Variants in ARAP2 observed in about 807,000 individuals in gnomAD.
The protein encoded by ARAP2 is arf-GAP with Rho-GAP domain, ANK repeat and PH domain-containing protein 2.
ARAP2 carries 148 observed loss-of-function variants against 194.5 expected under a neutral mutation model. That is an observed-to-expected ratio of 0.76 (90% confidence interval 0.67 to 0.87). The LOEUF (loss-of-function observed/expected upper bound fraction) is 0.87. Ranked by LOEUF, ARAP2 falls within the 40% of genes least tolerant of loss-of-function variation. The pLI, the probability that ARAP2 is intolerant of heterozygous loss-of-function variation, is 0.00. For missense variants in ARAP2, 2,128 were observed against 1,989.7 expected (o/e 1.07, Z -1.32); for synonymous variants, 695 against 683.5 (o/e 1.02, Z -0.26).
chr4:36,109,724 A>T (rs1270903272), intron 26 of ARAP2, among the ~76,000 whole-genome samples: 1 of 151,854 alleles, frequency 6.6e-6, no homozygotes, highest in Non-Finnish European at 1.5e-5. Context: ...ATATATTTTT[A>T]AATTATTCTT....
At chr4:36,114,073 A>G in intron 26 of ARAP2, 97 bp downstream of exon 26, 1 of 909,788 alleles carries the variant, frequency 1.1e-6, no homozygotes, top group South Asian at 1.5e-5. Context: ...AAATCATAAC[A>G]AGATGTTAAG....
At chr4:36,127,522 T>C (rs1381553754) in intron 21 of ARAP2, among the ~76,000 whole-genome samples, 1 of 152,028 alleles carries the variant, frequency 6.6e-6, no homozygotes, top group Non-Finnish European at 1.5e-5. Context: ...TTAATCTCTT[T>C]AAATATATCA....
chr4:36,159,133 G>A (rs920622023), intron 14 of ARAP2, among the ~76,000 whole-genome samples, 198 bp downstream of exon 14: 18 of 152,092 alleles, frequency 1.2e-4, no homozygotes, highest in South Asian at 2.1e-4. Context: ...ATAAGATTAC[G>A]GGAACATAAA....
chr4:36,217,406 G>A (rs1748176761), intron 2 of ARAP2, among the ~76,000 whole-genome samples: 1 of 152,150 alleles, frequency 6.6e-6, no homozygotes, highest in Non-Finnish European at 1.5e-5. Flanking sequence ...TGTGATCCCA[G>A]ATACTCGGGG....
intron 28 of ARAP2, among the ~76,000 whole-genome samples, chr4:36,090,817 A>G (rs1262043601): frequency 6.6e-6 from 1 of 152,062 alleles, no homozygotes; most frequent in African/African-American, 2.4e-5. Context: ...TTAATACCTA[A>G]GTGATGAAAT....
At chr4:36,166,545 G>A (rs1370946724) in intron 10 of ARAP2, among the ~76,000 whole-genome samples, 4 of 151,884 alleles carry the variant, frequency 2.6e-5, no homozygotes, top group Non-Finnish European at 5.9e-5. Context: ...GATTTTAAAT[G>A]AGGGATTGTA....
At chr4:36,121,693 A>T (rs747536835) in intron 22 of ARAP2, among the ~76,000 whole-genome samples, 5 of 151,612 alleles carry the variant, frequency 3.3e-5, no homozygotes, top group Non-Finnish European at 7.4e-5. Flanking sequence ...GGAGGAGGAA[A>T]TGGGGCAGGA....
At chr4:36,052,769 C>A (rs1469495109) in intron 2 of ARAP2, among the ~76,000 whole-genome samples, 2 of 152,058 alleles carry the variant, frequency 1.3e-5, no homozygotes, top group Admixed American at 6.5e-5. Flanking sequence ...TCCAGACCAT[C>A]GTGGCTAGCA....
intron 5 of ARAP2, among the ~76,000 whole-genome samples, chr4:36,032,292 A>C (rs925373195): frequency 3.9e-5 from 6 of 152,200 alleles, no homozygotes; most frequent in African/African-American, 1.4e-4. Flanking sequence ...ATTCTCGCTA[A>C]AGACAGGCCA....
intron 19 of ARAP2, among the ~76,000 whole-genome samples, chr4:36,135,723 A>C (rs1726545922): frequency 6.6e-6 from 1 of 151,800 alleles, no homozygotes; most frequent in African/African-American, 2.4e-5. Context: ...ATGTGAACTT[A>C]ATCAAAATTA....
intron 5 of ARAP2, among the ~76,000 whole-genome samples, chr4:36,026,332 A>G (rs1362499990): frequency 6.6e-6 from 1 of 152,190 alleles, no homozygotes; most frequent in Non-Finnish European, 1.5e-5. Flanking sequence ...ATAATCCTTA[A>G]TGACCTGGAA....
In ARAP2 at chr4:36,052,592, T is replaced by G. The variant is rs181727252; in HGVS notation, n.322-539A>C. On this transcript the variant is annotated intron_variant and non_coding_transcript_variant, in intron 2 of 12. Transcript: ENST00000503225. Reference sequence around the variant, plus strand: ...CGTTATTTTCTTTCAAACACTTTATTATGCAAATATTTGAACTTGCAGCAA... The same window carrying G: ...CGTTATTTTCTTTCAAACACTTTATGATGCAAATATTTGAACTTGCAGCAA... Among the ~76,000 whole-genome samples the G allele has an allele frequency of 4.6e-5, 7 of 152,352 alleles. No homozygotes were observed. In the East Asian group the frequency reaches 1.2e-3, roughly 25 times the overall value.
intron 17 of ARAP2, among the ~76,000 whole-genome samples, chr4:36,148,141 T>C (rs897059203): frequency 5.9e-5 from 9 of 152,168 alleles, no homozygotes; most frequent in African/African-American, 2.2e-4. Context: ...GAAATGACTT[T>C]ACAGTATTGA....
chr4:36,239,699 T>C lies in ARAP2; in HGVS notation c.-160+4480A>G, dbSNP rs539049583. Among the ~76,000 whole-genome samples, 16 of 152,360 alleles carry C rather than the reference T, an allele frequency of 1.1e-4. No individual in the cohort carries two copies. In the East Asian group the frequency reaches 1.2e-3, roughly 11 times the overall value. ...TGGTCTGGAGATCTGTTTCACAGCA[T>C]TGTAAATATACTTAGCGTTACTGAA... On this transcript the variant is annotated intron_variant, in intron 1 of 32. Coordinates refer to ENST00000303965, the MANE Select transcript of ARAP2 (RefSeq NM_015230.4).
chr4:36,219,684 G>A (rs1033204469), intron 2 of ARAP2, among the ~76,000 whole-genome samples: 1 of 151,922 alleles, frequency 6.6e-6, no homozygotes, highest in African/African-American at 2.4e-5. Flanking sequence ...TACATTATAT[G>A]CATGTATATA....
At chr4:36,230,827 G>A (rs555442294) in intron 1 of ARAP2, among the ~76,000 whole-genome samples, 57 of 152,266 alleles carry the variant, frequency 3.7e-4, no homozygotes, top group African/African-American at 1.1e-3. Flanking sequence ...TATGCCACAC[G>A]CCAACTGCCC....
At chr4:36,065,181 T>G (rs1351694723), downstream of ARAP2, 1 of 336,614 alleles carries the variant, frequency 3.0e-6, no homozygotes, top group Non-Finnish European at 6.2e-6. Flanking sequence ...ACGGGCTTCA[T>G]GTCAAACTCC....
chr4:36,158,674 T>C lies in ARAP2; in HGVS notation c.2752+56A>G, dbSNP rs1427120956. ...AAATCAAAATCTAAACCTAATTGTT[T>C]TGATAATGGAATAAAGTTTTTATCT... On this transcript the variant is annotated intron_variant, in intron 15 of 32. Coordinates refer to ENST00000303965, the MANE Select transcript of ARAP2 (RefSeq NM_015230.4). 2.1e-6 allele frequency: 3 copies of C among 1,422,674 alleles called. No homozygotes were observed. In the African/African-American group the frequency reaches 4.5e-5, roughly 21 times the overall value. 88.1% of individuals were successfully genotyped at this position (1,422,674 alleles called of 1,614,324 possible). A position where few individuals can be genotyped will look rare whatever the true frequency, so the allele number is the denominator to read the frequency against.
intron 31 of ARAP2, among the ~76,000 whole-genome samples, chr4:36,079,328 A>G (rs1728980674): frequency 6.6e-6 from 1 of 152,128 alleles, no homozygotes; most frequent in African/African-American, 2.4e-5. Context: ...AGCTGTGTTT[A>G]TTAACCACTG....
Sources: gnomAD v4.1 joint callset for allele counts (sites outside exome capture counted in the v4.1 genomes callset) on GRCh38, gnomAD v4.1.1 for gene constraint, MANE v1.5 for transcripts, NCBI Gene and HGNC (gene_info 2026-07-23, HGNC 2026-07-21) for gene names.